KCTD1: variants seen among roughly 807,000 people sequenced by gnomAD.
The protein encoded by KCTD1 is potassium channel tetramerization domain containing 1.
Under a neutral mutation model 66.0 loss-of-function variants are expected in KCTD1, and 24 were observed. That is an observed-to-expected ratio of 0.36 (90% CI 0.26 to 0.51). The LOEUF (loss-of-function observed/expected upper bound fraction) is 0.51, where lower values mean the gene tolerates loss of function less well. KCTD1 is among the 20% of genes least tolerant of loss of function. The pLI is 0.95. For synonymous variants in KCTD1, 511 were observed against 517.2 expected, an observed-to-expected ratio of 0.99 and a Z score of 0.16; for missense variants, 943 against 1,205.2, an observed-to-expected ratio of 0.78 and a Z score of 3.22.
chr18:26,643,745 G>T (rs925803877), upstream of KCTD1, among the ~76,000 whole-genome samples: 2 of 152,104 alleles, frequency 1.3e-5, no homozygotes, highest in South Asian at 2.1e-4. Context: ...GGCATATCAC[G>T]AGGTCAGGAG....
At chr18:26,570,903 T>C (rs1986092289) in intron 1 of KCTD1, among the ~76,000 whole-genome samples, 1 of 152,234 alleles carries the variant, frequency 6.6e-6, no homozygotes, top group South Asian at 2.1e-4. Flanking sequence ...TTCTGTGAGG[T>C]TGTCTAAATC....
intron 1 of KCTD1, among the ~76,000 whole-genome samples, chr18:26,634,783 A>T (rs1440946826): frequency 1.3e-5 from 2 of 152,172 alleles, no homozygotes; most frequent in African/African-American, 4.8e-5. Context: ...GAAGAAACTA[A>T]AGCAGTAAAG....
upstream of KCTD1, among the ~76,000 whole-genome samples, chr18:26,553,240 C>T (rs151266626): frequency 9.9e-5 from 15 of 152,262 alleles, no homozygotes; most frequent in South Asian, 8.3e-4. Context: ...GCCACCACTC[C>T]TGTCTCAGAG....
intron 1 of KCTD1, among the ~76,000 whole-genome samples, chr18:26,651,848 G>A (rs537648202): frequency 1.3e-5 from 2 of 151,326 alleles, no homozygotes; most frequent in South Asian, 2.1e-4. Context: ...GTCTAATAAA[G>A]GGTTGGCCAT....
At chr18:26,641,098 C>A (rs1330958434), upstream of KCTD1, among the ~76,000 whole-genome samples, 1 of 152,102 alleles carries the variant, frequency 6.6e-6, no homozygotes. Context: ...TCTCACTGTC[C>A]CAGCCTGGCT....
chr18:26,551,087 C>G (rs1352102992), upstream of KCTD1, among the ~76,000 whole-genome samples: 11 of 152,220 alleles, frequency 7.2e-5, no homozygotes, highest in Non-Finnish European at 1.0e-4. Context: ...GGGTCCACCC[C>G]CCTCCCACCA....
intron 1 of KCTD1, among the ~76,000 whole-genome samples, chr18:26,512,911 G>A (rs889534167): frequency 1.3e-5 from 2 of 152,096 alleles, no homozygotes; most frequent in African/African-American, 2.4e-5. Context: ...AATCAGGGAG[G>A]TGGAGGCTGT....
intron 1 of KCTD1, among the ~76,000 whole-genome samples, chr18:26,656,436 C>A (rs1988142703): frequency 6.6e-6 from 1 of 151,854 alleles, no homozygotes; most frequent in Admixed American, 6.5e-5. Context: ...ATAAATGAAA[C>A]GTTTGCATCC....
rs551225396 is a variant in KCTD1, at chr18:26,624,287, C to A, written c.-16+4860G>T. On this transcript the variant is annotated intron_variant, in intron 1 of 4. Transcript: ENST00000317932. ...GTAATGAGGAGCCAAATGTTAATCACCAAGACAATGGGGAAAATGTCCCCA... is the reference window on the plus strand; with the variant it reads ...GTAATGAGGAGCCAAATGTTAATCAACAAGACAATGGGGAAAATGTCCCCA... Among the ~76,000 whole-genome samples, 6 of 152,328 alleles carry A rather than the reference C, an allele frequency of 3.9e-5. No individual in the cohort carries two copies. In the South Asian group the frequency reaches 8.3e-4, roughly 21 times the overall value.
chr18:26,591,182 C>T (rs976728087), intron 1 of KCTD1, among the ~76,000 whole-genome samples: 2 of 152,084 alleles, frequency 1.3e-5, no homozygotes, highest in African/African-American at 2.4e-5. Context: ...CATACCACTA[C>T]ACCAGCTAAT....
At chr18:26,643,816 G>C (rs1987880770), upstream of KCTD1, among the ~76,000 whole-genome samples, 1 of 152,178 alleles carries the variant, frequency 6.6e-6, no homozygotes, top group Non-Finnish European at 1.5e-5. Context: ...CAAAAAATTA[G>C]CCGGGCTTGG....
At chr18:26,648,178 A>G (rs1987965351) in intron 1 of KCTD1, among the ~76,000 whole-genome samples, 2 of 152,132 alleles carry the variant, frequency 1.3e-5, no homozygotes. Context: ...CCTCTTCATC[A>G]AATGATGATG....
intron 1 of KCTD1, among the ~76,000 whole-genome samples, chr18:26,587,943 G>A (rs775184464): frequency 3.0e-4 from 46 of 152,202 alleles, no homozygotes; most frequent in Non-Finnish European, 6.5e-4. Flanking sequence ...TTGCTGAAAC[G>A]ATAACAAAGG....
intron 2 of KCTD1, among the ~76,000 whole-genome samples, chr18:26,482,143 T>C (rs576347898): frequency 6.6e-6 from 1 of 152,340 alleles, no homozygotes; most frequent in South Asian, 2.1e-4. Flanking sequence ...CTGTGGTGAT[T>C]GGCACAATGG....
intron 1 of KCTD1, among the ~76,000 whole-genome samples, chr18:26,589,248 A>G (rs1334972172): frequency 6.6e-6 from 1 of 152,168 alleles, no homozygotes; most frequent in East Asian, 1.9e-4. Flanking sequence ...TCAGTCTTGG[A>G]CCTTGGGTTG....
chr18:26,654,468 G>A (rs993385203), intron 1 of KCTD1, among the ~76,000 whole-genome samples: 2 of 152,210 alleles, frequency 1.3e-5, no homozygotes, highest in Middle Eastern at 3.4e-3. Flanking sequence ...TATGAAACAA[G>A]CTATTACTGT....
intron 1 of KCTD1, among the ~76,000 whole-genome samples, chr18:26,560,984 T>A (rs1567994419): frequency 6.6e-6 from 1 of 152,208 alleles, no homozygotes; most frequent in Non-Finnish European, 1.5e-5. Flanking sequence ...TAATAAAGAA[T>A]CATTGGATAC....
At chr18:26,647,911 C>A (rs889100287) in intron 1 of KCTD1, among the ~76,000 whole-genome samples, 3 of 152,048 alleles carry the variant, frequency 2.0e-5, no homozygotes, top group African/African-American at 7.2e-5. Flanking sequence ...ATAATCTCGG[C>A]TCACTGCAAC....
chr18:26,632,263 G>A (rs1047024181), upstream of KCTD1, among the ~76,000 whole-genome samples: 5 of 151,854 alleles, frequency 3.3e-5, no homozygotes, highest in African/African-American at 7.3e-5. Flanking sequence ...GCAGGTGCCC[G>A]TAATCCCAGC....
Sources: gnomAD v4.1 joint callset for allele counts (sites outside exome capture counted in the v4.1 genomes callset) on GRCh38, gnomAD v4.1.1 for gene constraint, MANE v1.5 for transcripts, NCBI Gene and HGNC (gene_info 2026-07-23, HGNC 2026-07-21) for gene names.